PDE4D: variants seen among roughly 807,000 people sequenced by gnomAD.
PDE4D encodes 3',5'-cyclic-AMP phosphodiesterase 4D.
In PDE4D, 24 loss-of-function variants were observed where a neutral mutation model predicts 87.4. The observed-to-expected ratio is 0.27, with a 90% CI of 0.20 to 0.39. The LOEUF (loss-of-function observed/expected upper bound fraction) is 0.39, where lower values mean the gene tolerates loss of function less well. Ranked by LOEUF, PDE4D falls within the 10% of genes least tolerant of loss-of-function variation. PDE4D has a pLI of 1.00. For synonymous variants in PDE4D, 384 were observed against 383.2 expected (o/e 1.00, Z -0.02); for missense variants, 714 against 1,041.0 (o/e 0.69, Z 4.32).
intron 5 of PDE4D, among the ~76,000 whole-genome samples, chr5:59,160,156 G>A (rs76836822): frequency 0.023 from 3,437 of 152,234 alleles, 124 homozygotes; most frequent in African/African-American, 0.077. Flanking sequence ...ATGAAATGTA[G>A]GAAATCTAAG....
chr5:59,364,776 A>G (rs1214289088), intron 1 of PDE4D, among the ~76,000 whole-genome samples: 1 of 152,182 alleles, frequency 6.6e-6, no homozygotes, highest in Non-Finnish European at 1.5e-5. Context: ...ATTTTGTTCA[A>G]CAGCTAATCA....
intron 2 of PDE4D, among the ~76,000 whole-genome samples, chr5:60,134,928 C>T (rs1562135724): frequency 6.6e-6 from 1 of 152,080 alleles, no homozygotes; most frequent in Non-Finnish European, 1.5e-5. Context: ...GATTTACACC[C>T]ACTCCATACA....
At chr5:59,517,460 G>C (rs965625943) in intron 1 of PDE4D, among the ~76,000 whole-genome samples, 21 of 152,090 alleles carry the variant, frequency 1.4e-4, no homozygotes, top group Middle Eastern at 3.2e-3. Context: ...TCTAGGATTC[G>C]TTTGTCACAG....
At chr5:59,444,108 C>T (rs1479343090) in intron 1 of PDE4D, among the ~76,000 whole-genome samples, 1 of 152,186 alleles carries the variant, frequency 6.6e-6, no homozygotes, top group East Asian at 1.9e-4. Context: ...TAGCGAGCTC[C>T]ATGAATACTT....
chr5:59,664,647 T>C (rs941290113), intron 1 of PDE4D, among the ~76,000 whole-genome samples: 2 of 152,222 alleles, frequency 1.3e-5, no homozygotes, highest in Admixed American at 1.3e-4. Flanking sequence ...AGAGAGGTTT[T>C]CTGATTTTTT....
At chr5:59,649,266 G>A (rs1158554243) in intron 1 of PDE4D, among the ~76,000 whole-genome samples, 1 of 152,158 alleles carries the variant, frequency 6.6e-6, no homozygotes, top group Non-Finnish European at 1.5e-5. Flanking sequence ...TTTCTTCTCT[G>A]AGAAGATATG....
chr5:59,179,647 T>C (rs971118825), intron 5 of PDE4D: 6 of 462,958 alleles, frequency 1.3e-5, no homozygotes, highest in Admixed American at 2.3e-5. Context: ...CTGGACATGA[T>C]AAAGTTAAAT....
At chr5:59,067,608 T>G (rs1276923163) in intron 5 of PDE4D, among the ~76,000 whole-genome samples, 1 of 152,162 alleles carries the variant, frequency 6.6e-6, no homozygotes, top group Non-Finnish European at 1.5e-5. Flanking sequence ...CGGATTCATA[T>G]GGGTTTGCCA....
intron 1 of PDE4D, among the ~76,000 whole-genome samples, chr5:59,227,501 T>C (rs1754062281): frequency 6.6e-6 from 1 of 152,164 alleles, no homozygotes; most frequent in Non-Finnish European, 1.5e-5. Flanking sequence ...TTGTATTACC[T>C]GACAAAAGTC....
chr5:59,168,544 T>G (rs1267416785), intron 5 of PDE4D, among the ~76,000 whole-genome samples: 1 of 151,920 alleles, frequency 6.6e-6, no homozygotes, highest in Non-Finnish European at 1.5e-5. Flanking sequence ...CTATAGAGAG[T>G]TTTTAGGGTT....
chr5:59,247,892 T>G lies in PDE4D; in HGVS notation c.456-31924A>C, dbSNP rs564366959. On this transcript the variant is annotated intron_variant, in intron 1 of 14. Transcript: ENST00000340635. ...ATTCCCTGTGCTTATCTTCCGTCCC[T>G]GAGACTCCAGTCCACCTGGCCTTCC... Among the ~76,000 whole-genome samples, 7 of 151,856 alleles carry G rather than the reference T, an allele frequency of 4.6e-5. No individual in the cohort carries two copies. The South Asian group carries it at 1.5e-3, about 32-fold the overall frequency.
At chr5:59,820,892 A>C (rs759224698) in intron 1 of PDE4D, among the ~76,000 whole-genome samples, 17 of 152,200 alleles carry the variant, frequency 1.1e-4, no homozygotes, top group Non-Finnish European at 2.5e-4. Context: ...AGAACGTCTA[A>C]GCTTTCATTC....
chr5:59,218,062 A>G (rs977686019), intron 1 of PDE4D: 2 of 437,310 alleles, frequency 4.6e-6, no homozygotes, highest in East Asian at 1.4e-4. Flanking sequence ...TTTAGTACAC[A>G]ACTGGAAGAC....
intron 1 of PDE4D, among the ~76,000 whole-genome samples, chr5:60,421,225 G>T (rs992154206): frequency 6.6e-6 from 1 of 152,224 alleles, no homozygotes; most frequent in East Asian, 1.9e-4. Context: ...CGGACAGACT[G>T]CCTCCTCAAG....
intron 1 of PDE4D, among the ~76,000 whole-genome samples, chr5:59,743,717 G>A (rs1209242621): frequency 6.6e-6 from 1 of 152,102 alleles, no homozygotes; most frequent in African/African-American, 2.4e-5. Flanking sequence ...ATTTGTGCAA[G>A]TTTCTTCTCT....
intron 1 of PDE4D, among the ~76,000 whole-genome samples, chr5:59,793,765 A>C (rs1766098458): frequency 1.3e-5 from 2 of 152,344 alleles, no homozygotes; most frequent in Non-Finnish European, 2.9e-5. Context: ...CTGCCTATTC[A>C]ACATTTATCT....
At chr5:59,330,370 C>T (rs1776497885) in intron 1 of PDE4D, among the ~76,000 whole-genome samples, 1 of 152,028 alleles carries the variant, frequency 6.6e-6, no homozygotes, top group Non-Finnish European at 1.5e-5. Context: ...GTTTGGACCC[C>T]ATCGCTAAAC....
At chr5:59,151,073 C>T (rs1341069517) in intron 5 of PDE4D, among the ~76,000 whole-genome samples, 1 of 152,128 alleles carries the variant, frequency 6.6e-6, no homozygotes, top group African/African-American at 2.4e-5. Context: ...ACTTCTAAAC[C>T]CTAGTCCACC....
At chr5:59,155,375 T>C (rs949600249) in intron 5 of PDE4D, among the ~76,000 whole-genome samples, 1 of 152,120 alleles carries the variant, frequency 6.6e-6, no homozygotes, top group Non-Finnish European at 1.5e-5. Flanking sequence ...ATTTACTCAG[T>C]AAATGAACAA....
Sources: allele counts gnomAD v4.1 joint callset (sites outside exome capture counted in the v4.1 genomes callset), GRCh38; gene constraint gnomAD v4.1.1; transcripts MANE v1.5; gene names NCBI Gene and HGNC (gene_info 2026-07-23, HGNC 2026-07-21).